SET: variants seen among roughly 807,000 people sequenced by gnomAD.
SET encodes the protein SET nuclear proto-oncogene.
A neutral mutation model predicts 39.0 loss-of-function variants in SET; 4 were observed. The ratio of observed to expected loss-of-function variants is 0.10; its 90% CI spans 0.05 to 0.23. SET has a LOEUF of 0.23. SET is among the 10% of genes least tolerant of loss of function. The pLI is 1.00. For synonymous variants in SET, 114 were observed against 115.9 expected (o/e 0.98, Z 0.11); for missense variants, 137 against 329.7 (o/e 0.42, Z 4.53).
upstream of SET, among the ~76,000 whole-genome samples, chr9:128,684,925 C>T (rs533639298): frequency 6.6e-6 from 1 of 152,236 alleles, no homozygotes; most frequent in East Asian, 1.9e-4. Context: ...TTTTGGGAGA[C>T]GTAGCTGGAG....
At chr9:128,684,623 C>A (rs1326667512), upstream of SET, among the ~76,000 whole-genome samples, 1 of 152,050 alleles carries the variant, frequency 6.6e-6, no homozygotes, top group Non-Finnish European at 1.5e-5. Context: ...GTTCACACTT[C>A]TGAGACTCCC....
At position 128,695,988 on chromosome 9, in the gene SET, C is replaced by T; in HGVS notation, c.*1324C>T. 4.4e-6 allele frequency: 1 copy of T among 226,480 alleles called. No homozygotes were observed. The highest frequency in any genetic ancestry group is 8.8e-6 in the Non-Finnish European group (1 of 113,186). 14.0% of individuals were successfully genotyped at this position (226,480 alleles called of 1,614,324 possible). ...TAAAATGTGGCCAAGAAGATAGGCT[C>T]TCAGTAAGAAGTCTGATGGTGAGCA... On this transcript the variant is annotated 3_prime_UTR_variant, in exon 8 of 8. Transcript: ENST00000322030.
chr9:128,693,949 T>TGAA lies in SET; in HGVS notation c.720_722dup (p.Glu243dup), dbSNP rs1222337714. ...AAGGAGAAGAAGATGATGATGATGA[T>TGAA]GAAGAGGAGGAAGGATTAGAAGATA... On this transcript the variant is annotated inframe_insertion, in exon 7 of 8. Transcript: ENST00000322030. 1 of 1,540,604 alleles carries TGAA rather than the reference T, an allele frequency of 6.5e-7. No homozygotes were observed. Among genetic ancestry groups the TGAA allele is most frequent in the African/African-American group, 1.4e-5 (1 of 72,912 alleles).
exon 1 of SET, chr9:128,683,810 C>T: frequency 8.3e-7 from 1 of 1,199,884 alleles, no homozygotes; most frequent in Non-Finnish European, 1.2e-6. Flanking sequence ...ATTTAAGCCG[C>T]TGGCACCTGG....
chr9:128,694,134 C>A, intron 7 of SET, 92 bp downstream of exon 7: 5 of 1,102,262 alleles, frequency 4.5e-6, no homozygotes, highest in Middle Eastern at 2.2e-4. Context: ...TGTGGTAGAA[C>A]TGACCAGAAC....
chr9:128,693,633 T>C lies in SET; in HGVS notation c.493-5T>C. On this transcript the variant is annotated splice_region_variant and splice_polypyrimidine_tract_variant and intron_variant, in intron 5 of 7. Coordinates refer to ENST00000322030, the MANE Select transcript of SET (RefSeq NM_003011.4). ...GTATCAAAAGCTCTTCCGGTATTCA[T>C]TTAGGATTTGACGAAACGTTCGAGT... is the stretch of plus-strand genomic sequence containing the variant. 6.2e-7 allele frequency: 1 copy of C among 1,603,478 alleles called. No individual in the cohort carries two copies. Among genetic ancestry groups the C allele is most frequent in the South Asian group, 1.1e-5 (1 of 89,744 alleles).
chr9:128,689,702 G>A (rs945744333), intron 1 of SET, 47 bp downstream of exon 1: 38 of 479,544 alleles, frequency 7.9e-5, no homozygotes, highest in Non-Finnish European at 1.0e-4. Context: ...CATCTTCGCC[G>A]CCCGCCCCGG....
Position 128,691,158 on chromosome 9 carries a change from C to T in SET, c.74-12C>T, listed in dbSNP as rs1861521690. On this transcript the variant is annotated splice_polypyrimidine_tract_variant and intron_variant, in intron 1 of 7. Transcript: ENST00000322030. ...TTATCTTAGAATTAAGTTTTTTGCT[C>T]CTTTTTTGCAGAAAAAGAACAGCAA... The T allele has an allele frequency of 1.9e-6, 3 of 1,598,676 alleles. No homozygotes were observed. The highest frequency in any genetic ancestry group is 2.6e-6 in the Non-Finnish European group (3 of 1,171,656).
intron 2 of SET, among the ~76,000 whole-genome samples, chr9:128,691,545 C>T (rs1861535153): frequency 6.6e-6 from 1 of 152,130 alleles, no homozygotes; most frequent in African/African-American, 2.4e-5. Flanking sequence ...TATGGATTAG[C>T]CACTTTATTT....
At chr9:128,687,579 G>T (rs1861328125), upstream of SET, among the ~76,000 whole-genome samples, 1 of 138,764 alleles carries the variant, frequency 7.2e-6, no homozygotes, top group Non-Finnish European at 1.5e-5. Context: ...CTGCACTCCA[G>T]CCTGGAAGAC....
rs1861692655 is a variant in SET at position 128,695,275 on chromosome 9, TGACA to T, written c.*616_*619del. Reference sequence around the variant, plus strand: ...CTTTGGCATGTTTAATTGTGATATTTGACAGACATCCTTGCAGTTTAAGATGACA... The same window carrying T: ...CTTTGGCATGTTTAATTGTGATATTTGACATCCTTGCAGTTTAAGATGACA... On this transcript the variant is annotated 3_prime_UTR_variant, in exon 8 of 8. Coordinates refer to ENST00000322030, the MANE Select transcript of SET (RefSeq NM_003011.4). The T allele has an allele frequency of 9.0e-6, 2 of 223,440 alleles. No homozygotes were observed. The highest frequency in any genetic ancestry group is 4.4e-5 in the African/African-American group (2 of 45,036). 13.8% of individuals were successfully genotyped at this position (223,440 alleles called of 1,614,324 possible).
At chr9:128,684,078 C>T in intron 1 of SET, 1 of 1,250,530 alleles carries the variant, frequency 8.0e-7, no homozygotes, top group South Asian at 1.3e-5. Flanking sequence ...ATTTTTACCC[C>T]CCAATCCCTC....
At chr9:128,688,297 G>C (rs1031723383), upstream of SET, among the ~76,000 whole-genome samples, 1 of 152,158 alleles carries the variant, frequency 6.6e-6, no homozygotes, top group African/African-American at 2.4e-5. Context: ...CAGAATGTGG[G>C]GCATCCGCAT....
At chr9:128,685,530 T>G (rs755022142), upstream of SET, among the ~76,000 whole-genome samples, 18 of 152,200 alleles carry the variant, frequency 1.2e-4, no homozygotes, top group Non-Finnish European at 2.2e-4. Context: ...GCCAAGCACT[T>G]CTCTATCCTC....
Position 128,693,975 on chromosome 9 carries a change from T to C in SET, c.743T>C (p.Ile248Thr), listed in dbSNP as rs1448834445. Residue 248 changes from isoleucine to threonine, a missense_variant, in exon 7 of 8, where the codon ATT (isoleucine) becomes ACT (threonine). Physicochemically the swap from Ile to Thr is moderately conservative, Grantham distance 89. This residue lies in a region of SET where 44 missense variants were observed against 63.0 expected (regional missense o/e 0.70). Coordinates refer to ENST00000322030, the MANE Select transcript of SET (RefSeq NM_003011.4). ...GAAGAGGAGGAAGGATTAGAAGATA[T>C]TGACGAAGAAGGGGATGAGGATGAA... ...DDEEEEGLED[I>T]DEEGDEDEGE... 3.2e-6 allele frequency: 5 copies of C among 1,557,508 alleles called. No homozygotes were observed. Among genetic ancestry groups the C allele is most frequent in the East Asian group, 2.2e-5 (1 of 44,554 alleles).
chr9:128,695,685 T>C lies in SET; in HGVS notation c.*1021T>C, dbSNP rs1861710498. 1 of 226,160 alleles carries C rather than the reference T, an allele frequency of 4.4e-6. No individual in the cohort carries two copies. The highest frequency in any genetic ancestry group is 2.2e-5 in the African/African-American group (1 of 45,198). 14.0% of individuals were successfully genotyped at this position (226,160 alleles called of 1,614,324 possible). A position where few individuals can be genotyped will look rare whatever the true frequency, so the allele number is the denominator to read the frequency against. On this transcript the variant is annotated 3_prime_UTR_variant, in exon 8 of 8. Coordinates refer to ENST00000322030, the MANE Select transcript of SET (RefSeq NM_003011.4). ...CCTCAGGGCTATGTGGATTGAGTAA[T>C]GGGATTTGAATCAATGTATTAATAT...
chr9:128,692,232 C>A, intron 3 of SET: 1 of 410,826 alleles, frequency 2.4e-6, no homozygotes, highest in Non-Finnish European at 4.3e-6. Context: ...ACTAAAAATA[C>A]AAAAAAAATT....
intron 1 of SET, 108 bp downstream of exon 1, chr9:128,689,763 G>C (rs1323564342): frequency 3.9e-4 from 60 of 155,170 alleles, no homozygotes; most frequent in Non-Finnish European, 5.6e-4. Context: ...CGCCGGGCGG[G>C]GGGGCGCGGC....
upstream of SET, among the ~76,000 whole-genome samples, chr9:128,688,485 C>T (rs1861365061): frequency 6.6e-6 from 1 of 152,214 alleles, no homozygotes; most frequent in Non-Finnish European, 1.5e-5. Flanking sequence ...GAAACTGGCA[C>T]TTAACGCTCA....
Sources: gnomAD v4.1 joint callset for allele counts (sites outside exome capture counted in the v4.1 genomes callset) on GRCh38, gnomAD v4.1.1 for gene constraint, gnomAD v4.1.1 regional missense constraint, MANE v1.5 for transcripts, NCBI Gene and HGNC (gene_info 2026-07-23, HGNC 2026-07-21) for gene names.